ARHGAP8: variants seen among roughly 807,000 people sequenced by gnomAD.
ARHGAP8 encodes Rho GTPase activating protein 8.
Under a neutral mutation model 46.1 loss-of-function variants are expected in ARHGAP8, and 62 were observed. The ratio of observed to expected loss-of-function variants is 1.34; its 90% CI spans 1.10 to 1.66. ARHGAP8 has a LOEUF of 1.66. ARHGAP8 is among the 40% of genes most tolerant of loss of function. The pLI, the probability that ARHGAP8 is intolerant of heterozygous loss-of-function variation, is 0.00. For missense variants in ARHGAP8, 923 were observed against 568.4 expected (o/e 1.62, Z -6.34); for synonymous variants, 375 against 243.1 (o/e 1.54, Z -5.05).
At chr22:44,834,887 A>G (rs921788808) in intron 7 of ARHGAP8, among the ~76,000 whole-genome samples, 2 of 152,116 alleles carry the variant, frequency 1.3e-5, no homozygotes, top group African/African-American at 4.8e-5. Context: ...TTTTTGTGTT[A>G]AAGTCTATTT....
At chr22:44,757,854 A>G (rs1407824336) in intron 1 of ARHGAP8, among the ~76,000 whole-genome samples, 3 of 141,522 alleles carry the variant, frequency 2.1e-5, no homozygotes, top group African/African-American at 5.3e-5. Context: ...GGGTTTCACC[A>G]TGTTGGCCAG....
chr22:44,755,180 C>T (rs112258097), intron 1 of ARHGAP8, among the ~76,000 whole-genome samples: 158 of 152,324 alleles, frequency 1.0e-3, no homozygotes, highest in Non-Finnish European at 2.0e-3. Context: ...GGTCCCATGG[C>T]TAGTGATTAG....
intron 1 of ARHGAP8, among the ~76,000 whole-genome samples, chr22:44,769,778 G>C (rs1008165843): frequency 4.6e-5 from 7 of 152,184 alleles, no homozygotes; most frequent in Non-Finnish European, 8.8e-5. Flanking sequence ...GAGACCGCAG[G>C]ATTGCGGTAA....
rs1173185706 is a variant in ARHGAP8 at position 44,819,397 on chromosome 22, C to A, written c.387-2974C>A. ...TTAAAATGTTTTTAAGTTGGCTGGG[C>A]GTGGTGGCTCACCCCTGTAATCCCA... On this transcript the variant is annotated intron_variant, in intron 5 of 11. Transcript: ENST00000356099. Among the ~76,000 whole-genome samples the A allele has an allele frequency of 2.0e-5, 3 of 152,026 alleles. No individual in the cohort carries two copies. In the South Asian group the frequency reaches 6.3e-4, roughly 32 times the overall value.
At chr22:44,823,057 G>C (rs560366404) in intron 6 of ARHGAP8, among the ~76,000 whole-genome samples, 1 of 152,354 alleles carries the variant, frequency 6.6e-6, no homozygotes, top group Non-Finnish European at 1.5e-5. Flanking sequence ...CTCCCTCTCT[G>C]AGGCGCTCCT....
intron 7 of ARHGAP8, among the ~76,000 whole-genome samples, chr22:44,827,386 A>G (rs1388353680): frequency 1.8e-5 from 2 of 108,188 alleles, no homozygotes; most frequent in Non-Finnish European, 3.4e-5. Flanking sequence ...TCTGTCCCCC[A>G]GGCTGGAGTG....
chr22:44,833,096 C>CTTTTCTTTTCTTTTCTT (rs535842585), intron 7 of ARHGAP8, among the ~76,000 whole-genome samples: 26 of 120,430 alleles, frequency 2.2e-4, no homozygotes, highest in South Asian at 5.6e-4. Flanking sequence ...CTTTTCTTTT[C>CTTTTCTTTTCTTTTCTT]TTTTTTTTTT....
chr22:44,763,824 G>A (rs572586390), intron 1 of ARHGAP8, among the ~76,000 whole-genome samples: 18 of 141,722 alleles, frequency 1.3e-4, no homozygotes, highest in East Asian at 1.2e-3. Context: ...TTTTTGAGAC[G>A]GAGTCTCAAA....
intron 2 of ARHGAP8, among the ~76,000 whole-genome samples, chr22:44,793,991 G>A (rs12483891): frequency 0.11 from 16,740 of 152,228 alleles, 1,260 homozygotes; most frequent in East Asian, 0.43. Context: ...CCGAGGGAGC[G>A]AGGGAGGCCG....
intron 1 of ARHGAP8, among the ~76,000 whole-genome samples, chr22:44,775,417 G>A (rs990626352): frequency 4.0e-5 from 6 of 151,576 alleles, no homozygotes; most frequent in African/African-American, 1.5e-4. Context: ...AACTCCAGCA[G>A]GGCTGTCATA....
rs377276554 is a variant in ARHGAP8 at position 44,753,527 on chromosome 22, C to T, written c.-72+900C>T. Among the ~76,000 whole-genome samples, 8 of 151,124 alleles carry T rather than the reference C, an allele frequency of 5.3e-5. No homozygotes were observed. The East Asian group carries it at 5.9e-4, about 11-fold the overall frequency. On this transcript the variant is annotated intron_variant, in intron 1 of 11. Transcript: ENST00000356099. Reference sequence around the variant, plus strand: ...TGAGACACCGCGCCCGGCCTAAAAGCCCAAAGTTTAAACCAATCCGCTAGC... The same window carrying T: ...TGAGACACCGCGCCCGGCCTAAAAGTCCAAAGTTTAAACCAATCCGCTAGC...
intron 5 of ARHGAP8, among the ~76,000 whole-genome samples, chr22:44,819,545 C>T (rs548692936): frequency 4.3e-4 from 66 of 152,188 alleles, no homozygotes; most frequent in Middle Eastern, 6.8e-3. Context: ...TGGTGGCAGG[C>T]GCCTGTAATC....
intron 1 of ARHGAP8, among the ~76,000 whole-genome samples, chr22:44,774,893 C>T (rs1271436483): frequency 2.0e-5 from 3 of 151,980 alleles, no homozygotes; most frequent in Non-Finnish European, 4.4e-5. Context: ...TGCAGTGGAG[C>T]AATCGTGGCT....
rs529643540 is a variant in ARHGAP8, at chr22:44,857,020, A to T, written c.878-2711A>T. ...CAATGGTGCAATCTCGGCTCACTGC[A>T]ACCTCTGCCTCCCGGGTTCAAATGA... On this transcript the variant is annotated intron_variant, in intron 10 of 11. Coordinates refer to ENST00000356099, the MANE Select transcript of ARHGAP8 (RefSeq NM_181335.3). Among the ~76,000 whole-genome samples the T allele has an allele frequency of 1.2e-3, 169 of 141,172 alleles. 36 individuals are homozygous for T. Among genetic ancestry groups the T allele is most frequent in the African/African-American group, 4.7e-3 (164 of 34,536 alleles). The allele number at this position is 141,172 out of a possible 152,430, so 92.6% of individuals were successfully genotyped here.
intron 1 of ARHGAP8, among the ~76,000 whole-genome samples, chr22:44,764,246 G>C (rs866173485): frequency 1.3e-5 from 2 of 152,190 alleles, no homozygotes; most frequent in Non-Finnish European, 2.9e-5. Context: ...GCCCACATTT[G>C]TCACTACAAT....
intron 2 of ARHGAP8, among the ~76,000 whole-genome samples, chr22:44,787,967 T>C (rs8140349): frequency 0.37 from 51,540 of 138,494 alleles, 10,882 homozygotes; most frequent in East Asian, 0.55. Flanking sequence ...TTAAGAAAAC[T>C]TCTAGGATTT....
intron 10 of ARHGAP8, among the ~76,000 whole-genome samples, chr22:44,855,727 C>A (rs1027472304): frequency 1.3e-5 from 2 of 152,040 alleles, no homozygotes; most frequent in African/African-American, 4.8e-5. Context: ...TCTCAGAGTC[C>A]CCCAGGATCC....
intron 11 of ARHGAP8, 84 bp from the exon 12 acceptor site, chr22:44,862,191 C>T (rs2147212736): frequency 1.3e-6 from 2 of 1,493,736 alleles, no homozygotes; most frequent in Non-Finnish European, 1.8e-6. Context: ...TACACCTACG[C>T]CTCTCCCTAA....
chr22:44,795,717 G>A (rs184541814), intron 2 of ARHGAP8, among the ~76,000 whole-genome samples: 9 of 152,250 alleles, frequency 5.9e-5, no homozygotes, highest in East Asian at 3.9e-4. Flanking sequence ...AAAGACCTGC[G>A]GTGGCCCATT....
Sources: gnomAD v4.1 joint callset for allele counts (sites outside exome capture counted in the v4.1 genomes callset) on GRCh38, gnomAD v4.1.1 for gene constraint, MANE v1.5 for transcripts, NCBI Gene and HGNC (gene_info 2026-07-23, HGNC 2026-07-21) for gene names.